Variants in TFAM observed in about 807,000 individuals in gnomAD.
TFAM encodes the protein transcription factor A, mitochondrial, also known as mitochondrial transcription factor 1.
TFAM carries 13 observed loss-of-function variants against 30.6 expected under a neutral mutation model. The ratio of observed to expected loss-of-function variants is 0.42; its 90% confidence interval spans 0.28 to 0.67. TFAM has a LOEUF of 0.67. Among genes scored for constraint, TFAM ranks in the 30% least tolerant of loss-of-function variants. TFAM has a pLI of 0.21. For synonymous variants in TFAM, 106 were observed against 94.8 expected (o/e 1.12, Z -0.69); for missense variants, 231 against 293.7 (o/e 0.79, Z 1.56).
At chr10:58,393,504 T>C (rs1458917984) in intron 5 of TFAM, among the ~76,000 whole-genome samples, 1 of 152,244 alleles carries the variant, frequency 6.6e-6, no homozygotes, top group African/African-American at 2.4e-5. Flanking sequence ...GAATTTTGTG[T>C]TGATAGTGCC....
chr10:58,393,989 T>C (rs1840639014), intron 5 of TFAM, among the ~76,000 whole-genome samples: 1 of 152,146 alleles, frequency 6.6e-6, no homozygotes, highest in South Asian at 2.1e-4. Context: ...TATAATTAAG[T>C]TCAACTAAGT....
At chr10:58,390,291 G>C (rs1840567549) in intron 4 of TFAM, among the ~76,000 whole-genome samples, 1 of 152,126 alleles carries the variant, frequency 6.6e-6, no homozygotes, top group Non-Finnish European at 1.5e-5. Context: ...TTGGTAACTA[G>C]TAAAATGAAT....
At chr10:58,387,773 T>C (rs1840517965) in intron 2 of TFAM, among the ~76,000 whole-genome samples, 1 of 151,820 alleles carries the variant, frequency 6.6e-6, no homozygotes, top group Non-Finnish European at 1.5e-5. Context: ...CTACAAAAAA[T>C]ACTAACATTA....
At chr10:58,390,280 T>C (rs1412960096) in intron 4 of TFAM, among the ~76,000 whole-genome samples, 1 of 152,160 alleles carries the variant, frequency 6.6e-6, no homozygotes, top group Non-Finnish European at 1.5e-5. Context: ...TTTCTTCCCT[T>C]TTGGTAACTA....
chr10:58,395,127 G>T lies in TFAM; in HGVS notation c.*53G>T. ...TGGATAGGCACAGGAAACCAGTTAG[G>T]TCTCAATACCTGAAGCTATCGTAAA... On this transcript the variant is annotated 3_prime_UTR_variant, in exon 7 of 7. Transcript: ENST00000487519. 6.4e-7 allele frequency: 1 copy of T among 1,563,424 alleles called. No homozygotes were observed.
At chr10:58,386,424 A>G in intron 2 of TFAM, 86 bp downstream of exon 2, 3 of 982,974 alleles carry the variant, frequency 3.1e-6, no homozygotes, top group Non-Finnish European at 4.9e-6. Context: ...TTGCAGTGCT[A>G]AAGCATTCAG....
At chr10:58,393,699 G>A (rs1034316656) in intron 5 of TFAM, among the ~76,000 whole-genome samples, 1 of 152,006 alleles carries the variant, frequency 6.6e-6, no homozygotes, top group African/African-American at 2.4e-5. Context: ...CCAGCCCTGG[G>A]CAACGTGGTA....
In TFAM at chr10:58,397,656, A is replaced by G. The variant is rs550790697; in HGVS notation, c.*2582A>G. 1 of 152,280 alleles carries G rather than the reference A, an allele frequency of 6.6e-6. No homozygotes were observed. The highest frequency in any genetic ancestry group is 2.4e-5 in the African/African-American group (1 of 41,540). The allele number at this position is 152,280 out of a possible 1,614,324, so 9.4% of individuals were successfully genotyped here. A position where few individuals can be genotyped will look rare whatever the true frequency, so the allele number is the denominator to read the frequency against. ...CATGTGGAAGACTGGCATGCCATAT[A>G]CCAAATGCCATTCAGCTGTAACAGT... On this transcript the variant is annotated 3_prime_UTR_variant, in exon 7 of 7. Coordinates refer to ENST00000487519, the MANE Select transcript of TFAM (RefSeq NM_003201.3).
chr10:58,388,571 T>C, intron 3 of TFAM, 99 bp from the exon 4 acceptor site: 1 of 1,297,648 alleles, frequency 7.7e-7, no homozygotes. Flanking sequence ...GGTGATAAAA[T>C]CTGTCTGTCT....
At position 58,394,829 on chromosome 10, in the gene TFAM, A is replaced by G. The variant is rs548050940; in HGVS notation, c.595-99A>G. ...TGTAGAATGGTAATGTAATTTCTAA[A>G]GTATATACAGAAGCATTCCAGAAAT... is the stretch of plus-strand genomic sequence containing the variant. On this transcript the variant is annotated intron_variant, in intron 6 of 6. Coordinates refer to ENST00000487519, the MANE Select transcript of TFAM (RefSeq NM_003201.3). 28 of 1,193,476 alleles carry G rather than the reference A, an allele frequency of 2.3e-5. 1 individual carries two copies. The South Asian group carries it at 3.7e-4, about 16-fold the overall frequency. 73.9% of individuals were successfully genotyped at this position (1,193,476 alleles called of 1,614,324 possible).
intron 5 of TFAM, among the ~76,000 whole-genome samples, chr10:58,391,691 T>C (rs1046406294): frequency 3.9e-4 from 59 of 151,988 alleles, no homozygotes; most frequent in African/African-American, 1.3e-3. Context: ...TACCTCCCAA[T>C]ATAGTTAAAA....
In TFAM at chr10:58,398,292, G is replaced by A. The variant is rs1840725902; in HGVS notation, c.*3218G>A. ...TTGCTGTAGGAGCTGAGTGTTAGAAGGAAAGATGCTGAAGAAATGAAATCA... is the reference window on the plus strand; with the variant it reads ...TTGCTGTAGGAGCTGAGTGTTAGAAAGAAAGATGCTGAAGAAATGAAATCA... On this transcript the variant is annotated 3_prime_UTR_variant, in exon 7 of 7. Coordinates refer to ENST00000487519, the MANE Select transcript of TFAM (RefSeq NM_003201.3). 1 of 152,198 alleles carries A rather than the reference G, an allele frequency of 6.6e-6. No individual in the cohort carries two copies. The highest frequency in any genetic ancestry group is 1.5e-5 in the Non-Finnish European group (1 of 68,058). 9.4% of individuals were successfully genotyped at this position (152,198 alleles called of 1,614,324 possible).
In TFAM at chr10:58,388,672, A is replaced by C. The variant is rs1016628795; in HGVS notation, c.294A>C (p.Ile98=). The C allele has an allele frequency of 6.2e-7, 1 of 1,613,560 alleles. No homozygotes were observed. Among genetic ancestry groups the C allele is most frequent in the Non-Finnish European group, 8.5e-7 (1 of 1,179,858 alleles). ...WRELPDSKKK[I]YQDAYRAEWQ... ...TTACTTGGGTTTTTTATTTATAGAT[A>C]TATCAAGATGCTTATAGGGCGGAGT... The change falls in exon 4 of 7, where the codon ATA becomes ATC. Residue 98 remains isoleucine, a splice_region_variant and synonymous_variant. Transcript: ENST00000487519.
chr10:58,394,543 T>G (rs762835320), intron 6 of TFAM, 129 bp downstream of exon 6: 5 of 905,342 alleles, frequency 5.5e-6, no homozygotes, highest in Non-Finnish European at 7.3e-6. Context: ...AAAATTATTT[T>G]CATATTCTCA....
chr10:58,395,155 T>A lies in TFAM; in HGVS notation c.*81T>A. The A allele has an allele frequency of 7.1e-7, 1 of 1,404,744 alleles. No individual in the cohort carries two copies. The highest frequency in any genetic ancestry group is 1.0e-6 in the Non-Finnish European group (1 of 1,001,698). The allele number at this position is 1,404,744 out of a possible 1,614,324, so 87.0% of individuals were successfully genotyped here. ...TCAATACCTGAAGCTATCGTAAAAT[T>A]AAGAAAGGATAAAGTTGGTAAACCT... On this transcript the variant is annotated 3_prime_UTR_variant, in exon 7 of 7. Coordinates refer to ENST00000487519, the MANE Select transcript of TFAM (RefSeq NM_003201.3).
intron 4 of TFAM, 148 bp from the exon 5 acceptor site, chr10:58,390,617 A>G: frequency 1.5e-6 from 1 of 656,210 alleles, no homozygotes; most frequent in South Asian, 1.9e-5. Flanking sequence ...TTCTGACCGC[A>G]AGATGTAATA....
chr10:58,387,229 C>T (rs756026481), intron 2 of TFAM, among the ~76,000 whole-genome samples: 7 of 152,062 alleles, frequency 4.6e-5, no homozygotes, highest in Non-Finnish European at 1.0e-4. Context: ...CTCCACTGCA[C>T]TCCAGCCTGG....
chr10:58,390,958 C>A, intron 5 of TFAM, 98 bp downstream of exon 5: 1 of 1,089,250 alleles, frequency 9.2e-7, no homozygotes, highest in Non-Finnish European at 1.3e-6. Context: ...TAGTGAATAT[C>A]CAGACAGTAA....
Position 58,396,591 on chromosome 10 carries a change from CTTTAGTA to C in TFAM, c.*1521_*1527del, listed in dbSNP as rs1399462008. 6.6e-6 allele frequency: 1 copy of C among 152,160 alleles called. No individual in the cohort carries two copies. The highest frequency in any genetic ancestry group is 2.4e-5 in the African/African-American group (1 of 41,428). The allele number at this position is 152,160 out of a possible 1,614,324, so 9.4% of individuals were successfully genotyped here. A position where few individuals can be genotyped will look rare whatever the true frequency, so the allele number is the denominator to read the frequency against. ...CTCACTGTAGTTGAAAGCCATCTTT[CTTTAGTA>C]TTTGTTTATCCTTTTAGGAGAGTCA... On this transcript the variant is annotated 3_prime_UTR_variant, in exon 7 of 7. Transcript: ENST00000487519.
Sources: allele counts gnomAD v4.1 joint callset (sites outside exome capture counted in the v4.1 genomes callset), GRCh38; gene constraint gnomAD v4.1.1; transcripts MANE v1.5; gene names NCBI Gene and HGNC (gene_info 2026-07-23, HGNC 2026-07-21).